IL33: variants seen among roughly 807,000 people sequenced by gnomAD.
IL33 encodes the protein interleukin 33, also known as interleukin-33.
In IL33, 37 loss-of-function variants were observed where a neutral mutation model predicts 27.3. That is an observed-to-expected ratio of 1.36 (90% CI 1.04 to 1.78). IL33 has a LOEUF of 1.78. IL33 is among the 40% of genes most tolerant of loss of function. The probability of loss-of-function intolerance (pLI) is 0.00; values close to 1 mark genes in which losing one functional copy is unlikely to be tolerated. For missense variants in IL33, 406 were observed against 311.4 expected, an observed-to-expected ratio of 1.30 and a Z score of -2.29; for synonymous variants, 132 against 102.9, an observed-to-expected ratio of 1.28 and a Z score of -1.71.
At chr9:6,254,388 T>C (rs1721591070) in intron 6 of IL33, 74 bp from the exon 7 acceptor site, 4 of 895,116 alleles carry the variant, frequency 4.5e-6, no homozygotes, top group Non-Finnish European at 6.6e-6. Flanking sequence ...ACTTTTTTCC[T>C]GGGTGTTGAA....
At position 6,256,547 on chromosome 9, in the gene IL33, T is replaced by C. The variant is rs1373236566; in HGVS notation, c.*379T>C. ...AGTCTCTATGTAGACAGGGATCCATTTTAAAGAGCTACTTAGAGAAATAAT... is the reference window on the plus strand; with the variant it reads ...AGTCTCTATGTAGACAGGGATCCATCTTAAAGAGCTACTTAGAGAAATAAT... On this transcript the variant is annotated 3_prime_UTR_variant, in exon 8 of 8. Coordinates refer to ENST00000682010, the MANE Select transcript of IL33 (RefSeq NM_033439.4). The C allele has an allele frequency of 2.2e-5, 8 of 357,288 alleles. No individual in the cohort carries two copies. The East Asian group carries it at 3.1e-4, about 14-fold the overall frequency. 22.1% of individuals were successfully genotyped at this position (357,288 alleles called of 1,614,324 possible).
intron 1 of IL33, among the ~76,000 whole-genome samples, chr9:6,238,673 G>A (rs1448373914): frequency 6.6e-6 from 1 of 152,178 alleles, no homozygotes; most frequent in Non-Finnish European, 1.5e-5. Context: ...GATTTAAATT[G>A]TAACCACTGC....
chr9:6,244,663 T>C (rs1819721852), intron 2 of IL33, among the ~76,000 whole-genome samples: 1 of 152,186 alleles, frequency 6.6e-6, no homozygotes, highest in Non-Finnish European at 1.5e-5. Flanking sequence ...GCACTAAAAC[T>C]GTGATTATTT....
chr9:6,237,398 C>T (rs1238196549), intron 1 of IL33, among the ~76,000 whole-genome samples: 1 of 152,152 alleles, frequency 6.6e-6, no homozygotes, highest in Non-Finnish European at 1.5e-5. Flanking sequence ...TTTGACTTAT[C>T]ATGTGGTTCT....
chr9:6,246,923 T>G (rs1819891886), intron 2 of IL33, among the ~76,000 whole-genome samples: 1 of 152,204 alleles, frequency 6.6e-6, no homozygotes, highest in Non-Finnish European at 1.5e-5. Context: ...CTAAGACCAG[T>G]GTACTTTAGT....
At chr9:6,241,076 T>C (rs1424182036) in intron 1 of IL33, among the ~76,000 whole-genome samples, 1 of 152,208 alleles carries the variant, frequency 6.6e-6, no homozygotes, top group Non-Finnish European at 1.5e-5. Context: ...CTTGCCCTAC[T>C]GGAAGTTCTT....
At position 6,242,950 on chromosome 9, in the gene IL33, C is replaced by G. The variant is rs4742170; in HGVS notation, c.91+1165C>G. 2.0e-5 allele frequency among the ~76,000 whole-genome samples: 3 copies of G among 151,900 alleles called. No homozygotes were observed. The South Asian group carries it at 6.2e-4, about 32-fold the overall frequency. ...GTGCAGAGGTCACATAGGGGGAGAACAGAGGGAGAACAGAAGCAGGAGAAA... is the reference window on the plus strand; with the variant it reads ...GTGCAGAGGTCACATAGGGGGAGAAGAGAGGGAGAACAGAAGCAGGAGAAA... On this transcript the variant is annotated intron_variant, in intron 2 of 7. Coordinates refer to ENST00000682010, the MANE Select transcript of IL33 (RefSeq NM_033439.4).
intron 1 of IL33, among the ~76,000 whole-genome samples, chr9:6,240,703 C>T (rs1027396708): frequency 3.3e-5 from 5 of 152,024 alleles, no homozygotes; most frequent in Non-Finnish European, 4.4e-5. Flanking sequence ...TTACTGACCA[C>T]GACTATAGAC....
intron 2 of IL33, among the ~76,000 whole-genome samples, chr9:6,243,510 TA>T (rs1819652894): frequency 6.6e-6 from 1 of 152,030 alleles, no homozygotes; most frequent in Non-Finnish European, 1.5e-5. Flanking sequence ...CACACCACCA[TA>T]CCTGGCTAAT....
intron 1 of IL33, among the ~76,000 whole-genome samples, chr9:6,227,749 A>T (rs138105420): frequency 6.6e-6 from 1 of 152,278 alleles, no homozygotes; most frequent in African/African-American, 2.4e-5. Context: ...CACCCTCCTT[A>T]CAAGGTCAAA....
chr9:6,221,555 T>C (rs1276478260), intron 1 of IL33, among the ~76,000 whole-genome samples: 3 of 152,212 alleles, frequency 2.0e-5, no homozygotes, highest in Non-Finnish European at 4.4e-5. Context: ...TTTTAAGTCT[T>C]TATATTTCTT....
intron 2 of IL33, among the ~76,000 whole-genome samples, chr9:6,247,074 C>T (rs566815122): frequency 1.3e-5 from 2 of 152,184 alleles, no homozygotes; most frequent in East Asian, 3.9e-4. Context: ...AGGAAAAAGA[C>T]CAAAGATAGA....
intron 1 of IL33, among the ~76,000 whole-genome samples, 198 bp from the exon 2 acceptor site, chr9:6,241,486 G>T (rs1291633320): frequency 6.6e-6 from 1 of 152,124 alleles, no homozygotes; most frequent in East Asian, 1.9e-4. Flanking sequence ...GCAATCCATT[G>T]ACCAAAGCCT....
chr9:6,235,094 A>G (rs1819124106), intron 1 of IL33, among the ~76,000 whole-genome samples: 1 of 152,094 alleles, frequency 6.6e-6, no homozygotes, highest in Non-Finnish European at 1.5e-5. Flanking sequence ...TCCAGACTGG[A>G]GTATAGTGCT....
intron 1 of IL33, among the ~76,000 whole-genome samples, chr9:6,235,554 G>C (rs564895743): frequency 6.6e-6 from 1 of 152,000 alleles, no homozygotes; most frequent in African/African-American, 2.4e-5. Flanking sequence ...CTTATGTATG[G>C]CCAAAAAATG....
Position 6,257,904 on chromosome 9 carries a change from A to C in IL33, c.*1736A>C, listed in dbSNP as rs573595891. On this transcript the variant is annotated 3_prime_UTR_variant, in exon 8 of 8. Coordinates refer to ENST00000682010, the MANE Select transcript of IL33 (RefSeq NM_033439.4). The stretch of plus-strand genomic sequence containing the variant: ...TATTGACATGTGCATCTGTACAATA[A>C]ACTTAAAATGATTATTAAATAATCA... 1.3e-5 allele frequency: 2 copies of C among 149,050 alleles called. No homozygotes were observed. The highest frequency in any genetic ancestry group is 2.0e-4 in the East Asian group (1 of 4,992). 9.2% of individuals were successfully genotyped at this position (149,050 alleles called of 1,614,324 possible). A position where few individuals can be genotyped will look rare whatever the true frequency, so the allele number is the denominator to read the frequency against.
chr9:6,220,175 T>C (rs914845148), intron 1 of IL33, among the ~76,000 whole-genome samples: 6 of 152,186 alleles, frequency 3.9e-5, no homozygotes, highest in African/African-American at 1.4e-4. Flanking sequence ...TTTCCAGAAC[T>C]AAGAAGTTCA....
intron 2 of IL33, among the ~76,000 whole-genome samples, chr9:6,249,216 GGATT>G (rs1309771320): frequency 1.5e-4 from 23 of 152,126 alleles, no homozygotes; most frequent in African/African-American, 5.3e-4. Context: ...AGCAAGATGT[GGATT>G]AATTCAAAAT....
intron 1 of IL33, among the ~76,000 whole-genome samples, chr9:6,222,426 G>A (rs1313687540): frequency 6.6e-6 from 1 of 152,196 alleles, no homozygotes; most frequent in Non-Finnish European, 1.5e-5. Context: ...CATTGAGAGG[G>A]ACTCTCATTT....
Sources: allele counts gnomAD v4.1 joint callset (sites outside exome capture counted in the v4.1 genomes callset), GRCh38; gene constraint gnomAD v4.1.1; transcripts MANE v1.5; gene names NCBI Gene and HGNC (gene_info 2026-07-23, HGNC 2026-07-21).